Variants in SLC35F3 observed in about 807,000 individuals in gnomAD.
SLC35F3 encodes solute carrier family 35 member F3, also known as putative thiamine transporter SLC35F3.
SLC35F3 carries 25 observed loss-of-function variants against 49.9 expected under a neutral mutation model. The ratio of observed to expected loss-of-function variants is 0.50; its 90% CI spans 0.37 to 0.70. The LOEUF (loss-of-function observed/expected upper bound fraction) is 0.70. Ranked by LOEUF, SLC35F3 falls within the 30% of genes least tolerant of loss-of-function variation. The probability of loss-of-function intolerance (pLI) is 0.00; values close to 1 mark genes in which losing one functional copy is unlikely to be tolerated. For missense variants in SLC35F3, 525 were observed against 639.8 expected, an observed-to-expected ratio of 0.82 and a Z score of 1.94; for synonymous variants, 275 against 265.4, an observed-to-expected ratio of 1.04 and a Z score of -0.35.
chr1:234,001,937 C>T (rs566643219), intron 2 of SLC35F3, among the ~76,000 whole-genome samples: 36 of 152,278 alleles, frequency 2.4e-4, no homozygotes, highest in Admixed American at 1.3e-3. Context: ...TTACTATGAG[C>T]ACTTAGTAAC....
intron 3 of SLC35F3, among the ~76,000 whole-genome samples, chr1:234,242,728 A>G (rs1198296365): frequency 6.6e-6 from 1 of 152,216 alleles, no homozygotes; most frequent in Non-Finnish European, 1.5e-5. Flanking sequence ...GGAGTGCATC[A>G]GAAGCATTTC....
chr1:233,953,883 C>G (rs542645992), intron 2 of SLC35F3, among the ~76,000 whole-genome samples: 1 of 152,288 alleles, frequency 6.6e-6, no homozygotes, highest in African/African-American at 2.4e-5. Flanking sequence ...ATGGGAGCAA[C>G]AGTAAGATGT....
chr1:234,283,350 A>G (rs1047049971), intron 3 of SLC35F3, among the ~76,000 whole-genome samples: 1 of 152,260 alleles, frequency 6.6e-6, no homozygotes, highest in Non-Finnish European at 1.5e-5. Flanking sequence ...CTTTAAACAC[A>G]AAAGACAGAT....
intron 2 of SLC35F3, among the ~76,000 whole-genome samples, chr1:234,054,802 G>C (rs2102859425): frequency 6.6e-6 from 1 of 152,230 alleles, no homozygotes; most frequent in Admixed American, 6.5e-5. Context: ...TTTAATGATG[G>C]TGACGTACAG....
At chr1:234,220,201 T>A (rs1001511177) in intron 2 of SLC35F3, among the ~76,000 whole-genome samples, 1 of 152,120 alleles carries the variant, frequency 6.6e-6, no homozygotes, top group African/African-American at 2.4e-5. Flanking sequence ...AATAAGTATT[T>A]CTTATCAAAG....
At chr1:234,207,442 T>G (rs12130578) in intron 2 of SLC35F3, among the ~76,000 whole-genome samples, 3 of 4,286 alleles carry the variant, frequency 7.0e-4, no homozygotes, top group Admixed American at 2.9e-3. Context: ...CCTGCTTCCT[T>G]TTTTCTTCTT....
intron 2 of SLC35F3, among the ~76,000 whole-genome samples, chr1:234,034,541 A>G (rs952509725): frequency 6.6e-6 from 1 of 152,040 alleles, no homozygotes; most frequent in African/African-American, 2.4e-5. Context: ...ATTTTTTGAG[A>G]CAGAGTCAAT....
At chr1:234,068,823 T>A (rs1298771536) in intron 2 of SLC35F3, among the ~76,000 whole-genome samples, 1 of 71,180 alleles carries the variant, frequency 1.4e-5, no homozygotes, top group African/African-American at 5.9e-5. Flanking sequence ...ATTTGAGACA[T>A]TATATATATA....
chr1:234,173,547 G>T (rs894815053), intron 2 of SLC35F3, among the ~76,000 whole-genome samples: 2 of 152,138 alleles, frequency 1.3e-5, no homozygotes, highest in African/African-American at 4.8e-5. Context: ...ATAACCTCTG[G>T]GGTCACAGGT....
Position 234,231,862 on chromosome 1 carries a change from G to A in SLC35F3, c.608+121G>A. ...AGCCGGTGGGAGCCCGTGGAGAGAT[G>A]TTGCAGTGAATGCACCTGCTCTCAG... On this transcript the variant is annotated intron_variant, in intron 3 of 7. Coordinates refer to ENST00000366618, the MANE Select transcript of SLC35F3 (RefSeq NM_173508.4). This position sits in a 1 kb window ranked among gnomAD's most constrained non-coding sequence, Gnocchi z 5.4. 1 of 966,756 alleles carries A rather than the reference G, an allele frequency of 1.0e-6. No individual in the cohort carries two copies. Among genetic ancestry groups the A allele is most frequent in the South Asian group, 1.6e-5 (1 of 62,798 alleles). The allele number at this position is 966,756 out of a possible 1,614,324, so 59.9% of individuals were successfully genotyped here.
intron 2 of SLC35F3, among the ~76,000 whole-genome samples, chr1:234,126,476 C>CGTGTGTGTGTGTGTGTGTGT (rs147108235): frequency 0.031 from 3,739 of 119,342 alleles, 160 homozygotes; most frequent in African/African-American, 0.1. Context: ...CCCTGTTTTA[C>CGTGTGTGTGTGTGTGTGTGT]ATGTGTGTGT....
Position 234,045,641 on chromosome 1 carries a change from C to T in SLC35F3, c.283+139883C>T, listed in dbSNP as rs577883129. Among the ~76,000 whole-genome samples the T allele has an allele frequency of 1.5e-4, 23 of 151,850 alleles. No individual in the cohort carries two copies. The South Asian group carries it at 1.7e-3, about 11-fold the overall frequency. ...AGATACAAAGAAGAGTACACAATAA[C>T]GTATTATATGCACAAGAATCTACCA... On this transcript the variant is annotated intron_variant, in intron 2 of 7. Coordinates refer to ENST00000366618, the MANE Select transcript of SLC35F3 (RefSeq NM_173508.4).
chr1:233,973,915 A>T (rs76133036), intron 2 of SLC35F3, among the ~76,000 whole-genome samples: 3,714 of 152,280 alleles, frequency 0.024, 111 homozygotes, highest in East Asian at 0.16. Flanking sequence ...CAGAAGTCTG[A>T]TTACAGACTT....
chr1:233,980,048 G>A (rs757401881), intron 2 of SLC35F3, among the ~76,000 whole-genome samples: 9 of 152,170 alleles, frequency 5.9e-5, no homozygotes, highest in African/African-American at 9.6e-5. Flanking sequence ...GAGAGGACTG[G>A]TATGTTTGAG....
intron 2 of SLC35F3, among the ~76,000 whole-genome samples, chr1:233,990,883 A>G (rs1287554982): frequency 6.6e-6 from 1 of 152,210 alleles, no homozygotes; most frequent in Non-Finnish European, 1.5e-5. Flanking sequence ...TTGTAAAGGT[A>G]TGTATGAAAT....
chr1:234,082,781 T>G (rs1432785512), intron 2 of SLC35F3, among the ~76,000 whole-genome samples: 1 of 152,040 alleles, frequency 6.6e-6, no homozygotes, highest in African/African-American at 2.4e-5. Context: ...TATAAAAACA[T>G]CAGATCTCAT....
chr1:234,200,452 A>T (rs1401971401), intron 2 of SLC35F3, among the ~76,000 whole-genome samples: 2 of 152,148 alleles, frequency 1.3e-5, no homozygotes, highest in Non-Finnish European at 2.9e-5. Flanking sequence ...GGTGAGAAGC[A>T]TGAGTTTGCT....
chr1:234,220,647 T>C (rs1372198204), intron 2 of SLC35F3, among the ~76,000 whole-genome samples: 1 of 152,156 alleles, frequency 6.6e-6, no homozygotes, highest in African/African-American at 2.4e-5. Flanking sequence ...TCCTAACCAC[T>C]GTACCATCTG....
chr1:234,210,950 G>A (rs748308030), intron 2 of SLC35F3, among the ~76,000 whole-genome samples: 3 of 152,240 alleles, frequency 2.0e-5, no homozygotes, highest in Non-Finnish European at 2.9e-5. Context: ...AGCCTAGGAG[G>A]AAAAGATGGT....
Sources: allele counts gnomAD v4.1 joint callset (sites outside exome capture counted in the v4.1 genomes callset), GRCh38; gene constraint gnomAD v4.1.1; non-coding constraint Gnocchi (gnomAD v3.1); transcripts MANE v1.5; gene names NCBI Gene and HGNC (gene_info 2026-07-23, HGNC 2026-07-21).